The following TMC8 variants were observed in gnomAD, a reference collection of about 807,000 sequenced individuals.
TMC8 encodes transmembrane channel like 8.
In TMC8, 71 loss-of-function variants were observed where a neutral mutation model predicts 76.0. The ratio of observed to expected loss-of-function variants is 0.93; its 90% confidence interval spans 0.77 to 1.14. The LOEUF is 1.14. Ranked by LOEUF, TMC8 falls within the 50% of genes most tolerant of loss-of-function variation. TMC8 has a pLI of 0.00. For missense variants in TMC8, 924 were observed against 947.9 expected (o/e 0.97, Z 0.33); for synonymous variants, 433 against 433.8 (o/e 1.00, Z 0.02).
Position 78,141,661 on chromosome 17 carries a change from T to C in TMC8, c.*549T>C, listed in dbSNP as rs901174304. The C allele has an allele frequency of 6.6e-6, 1 of 152,274 alleles. No individual in the cohort carries two copies. Among genetic ancestry groups the C allele is most frequent in the Non-Finnish European group, 1.5e-5 (1 of 68,060 alleles). 9.4% of individuals were successfully genotyped at this position (152,274 alleles called of 1,614,324 possible). Reference sequence around the variant, plus strand: ...CCACAGCGTCAGCCAGGGCCAGAGCTGGGATTTGAACCCAGGCACTCGGGC... The same window carrying C: ...CCACAGCGTCAGCCAGGGCCAGAGCCGGGATTTGAACCCAGGCACTCGGGC... On this transcript the variant is annotated 3_prime_UTR_variant, in exon 16 of 16. Transcript: ENST00000318430.
Position 78,134,183 on chromosome 17 carries a change from G to A in TMC8, c.816+183G>A, listed in dbSNP as rs77048878. 0.063 allele frequency among the ~76,000 whole-genome samples: 9,602 copies of A among 152,298 alleles called. 366 individuals are homozygous for A. The highest frequency in any genetic ancestry group is 0.1 in the African/African-American group (4,240 of 41,576). On this transcript the variant is annotated intron_variant, in intron 7 of 15. Transcript: ENST00000318430. ...TGTGAATGTGTGTGCATGTGTGGCC[G>A]AGTGTGAGGGCACATGTGACTGAAT...
intron 3 of TMC8, 42 bp downstream of exon 3, chr17:78,132,072 A>G: frequency 6.5e-7 from 1 of 1,534,606 alleles, no homozygotes; most frequent in Non-Finnish European, 8.7e-7. Flanking sequence ...CCCTCTCTGG[A>G]GCCCCACTGC....
intron 14 of TMC8, 125 bp downstream of exon 14, chr17:78,138,857 G>A: frequency 6.5e-7 from 1 of 1,547,018 alleles, no homozygotes; most frequent in Non-Finnish European, 8.7e-7. Flanking sequence ...GGAAGCAGGG[G>A]CCTCTGAAAA....
At chr17:78,134,087 G>A (rs528423912) in intron 7 of TMC8, 87 bp downstream of exon 7, 13 of 1,583,194 alleles carry the variant, frequency 8.2e-6, no homozygotes, top group Middle Eastern at 1.7e-4. Flanking sequence ...AGGTGTGTGC[G>A]AGCAAGTGCG....
rs2075257416 is a variant in TMC8, at chr17:78,137,277, C to T, written c.1170C>T (p.Val390=). 3.7e-6 allele frequency: 6 copies of T among 1,614,010 alleles called. No individual in the cohort carries two copies. The African/African-American group carries it at 4.0e-5, about 11-fold the overall frequency. Reference sequence around the variant, plus strand: ...TGGCCAGCTTGGGGATGTTCTCCGTCTCCCTGGGTCAGACCATACTGTGCA... The same window carrying T: ...TGGCCAGCTTGGGGATGTTCTCCGTTTCCCTGGGTCAGACCATACTGTGCA... ...LKLASLGMFS[V]SLGQTILCIG... is the part of the protein sequence containing the mutation. The change falls in exon 10 of 16, where the codon GTC becomes GTT. Residue 390 remains valine, a synonymous_variant. Coordinates refer to ENST00000318430, the MANE Select transcript of TMC8 (RefSeq NM_152468.5).
chr17:78,134,525 C>T lies in TMC8; in HGVS notation c.948C>T (p.Ala316=), dbSNP rs761172892. The stretch of plus-strand genomic sequence containing the variant: ...TCCTGGTGGTTGGGGCCATCAGCGC[C>T]ATCTTCTGGGCTACCAAGTACTCAC... ...NGLLVVGAIS[A]IFWATKYSQD... The change falls in exon 8 of 16, where the codon GCC becomes GCT. Residue 316 remains alanine (A), a synonymous_variant. Coordinates refer to ENST00000318430, the MANE Select transcript of TMC8 (RefSeq NM_152468.5). 6.2e-6 allele frequency: 10 copies of T among 1,614,144 alleles called. No homozygotes were observed. The highest frequency in any genetic ancestry group is 8.5e-6 in the Non-Finnish European group (10 of 1,180,042).
At chr17:78,134,115 G>T in intron 7 of TMC8, 115 bp downstream of exon 7, 1 of 1,484,516 alleles carries the variant, frequency 6.7e-7, no homozygotes, top group Non-Finnish European at 9.4e-7. Flanking sequence ...CAGTGTGTGT[G>T]AGCGTGTGTG....
intron 3 of TMC8, 34 bp downstream of exon 3, chr17:78,132,064 C>T: frequency 6.5e-7 from 1 of 1,534,788 alleles, no homozygotes; most frequent in Non-Finnish European, 8.7e-7. Context: ...TCCCCTTGCC[C>T]TCTCTGGAGC....
At position 78,141,315 on chromosome 17, in the gene TMC8, A is replaced by T. The variant is rs560362798; in HGVS notation, c.*203A>T. On this transcript the variant is annotated 3_prime_UTR_variant, in exon 16 of 16. Transcript: ENST00000318430. Reference sequence around the variant, plus strand: ...TATATTTTAATCTCATCCCTTTAAAATGTCTATTTTTTATTGTGTTTTTTA... The same window carrying T: ...TATATTTTAATCTCATCCCTTTAAATTGTCTATTTTTTATTGTGTTTTTTA... 76 of 400,260 alleles carry T rather than the reference A, an allele frequency of 1.9e-4. No homozygotes were observed. The highest frequency in any genetic ancestry group is 3.0e-4 in the Non-Finnish European group (68 of 227,150). 24.8% of individuals were successfully genotyped at this position (400,260 alleles called of 1,614,324 possible). A position where few individuals can be genotyped will look rare whatever the true frequency, so the allele number is the denominator to read the frequency against.
chr17:78,139,770 G>A (rs976327860), intron 15 of TMC8, among the ~76,000 whole-genome samples: 1 of 143,220 alleles, frequency 7.0e-6, no homozygotes, highest in Admixed American at 7.1e-5. Context: ...ACGGTGGTTC[G>A]TGCCTGTAAT....
chr17:78,136,062 A>G (rs939551925), intron 9 of TMC8, among the ~76,000 whole-genome samples: 4 of 152,084 alleles, frequency 2.6e-5, no homozygotes, highest in Middle Eastern at 3.2e-3. Context: ...TCAAAAAAGA[A>G]AACAAAACAA....
At chr17:78,137,582 C>A (rs1485953823) in intron 10 of TMC8, 135 bp from the exon 11 acceptor site, 7 of 1,115,310 alleles carry the variant, frequency 6.3e-6, no homozygotes, top group African/African-American at 3.1e-5. Flanking sequence ...ATCCTCAAGG[C>A]CTGGGTTTCA....
At chr17:78,133,686 G>A (rs2075114079) in intron 6 of TMC8, 144 bp downstream of exon 6, 4 of 1,539,886 alleles carry the variant, frequency 2.6e-6, no homozygotes, top group African/African-American at 1.4e-5. Context: ...CCAGGCTCTG[G>A]CCGCAAACCT....
rs774060628 is a variant in TMC8 at position 78,138,342 on chromosome 17, C to T, written c.1534-7C>T. 1 of 1,610,578 alleles carries T rather than the reference C, an allele frequency of 6.2e-7. No homozygotes were observed. ...TGACTCCTGGTTGCTATTGCTTGCG[C>T]CCCCAGTACACCCTCCTGAAGAACT... is the stretch of plus-strand genomic sequence containing the variant. On this transcript the variant is annotated splice_region_variant and splice_polypyrimidine_tract_variant and intron_variant, in intron 12 of 15. Coordinates refer to ENST00000318430, the MANE Select transcript of TMC8 (RefSeq NM_152468.5).
At position 78,134,933 on chromosome 17, in the gene TMC8, G is replaced by A. The variant is rs1225450626; in HGVS notation, c.1051G>A (p.Gly351Ser). 6.2e-7 allele frequency: 1 copy of A among 1,614,078 alleles called. No individual in the cohort carries two copies. Residue 351 changes from glycine to serine, a missense_variant, in exon 9 of 16, where the codon GGT (glycine) becomes AGT (serine). Transcript: ENST00000318430. ...GGTCATCGCCCTGGTCAACTTCCTG[G>A]GTCCCCTGCTGTTCACATTTCTGGT... The part of the protein sequence containing the change: ...PGVIALVNFL[G>S]PLLFTFLVQL...
rs770770209 is a variant in TMC8 at position 78,138,715 on chromosome 17, C to G, written c.1806C>G (p.Pro602=). ...HYLGSHAFSF[P]LLIMLSLVLT... ...TGGGCTCCCACGCCTTCAGCTTCCC[C>G]CTCCTCATCATGCTCAGGTTCTCAG... Residue 602 remains proline (P), a synonymous_variant, in exon 14 of 16, where the codon CCC becomes CCG. Transcript: ENST00000318430. 2.5e-6 allele frequency: 4 copies of G among 1,609,750 alleles called. No individual in the cohort carries two copies. Among genetic ancestry groups the G allele is most frequent in the Admixed American group, 3.3e-5 (2 of 60,018 alleles).
intron 9 of TMC8, among the ~76,000 whole-genome samples, chr17:78,135,922 T>C (rs571249072): frequency 1.3e-5 from 2 of 152,090 alleles, no homozygotes; most frequent in Admixed American, 6.5e-5. Flanking sequence ...GGTGTGGTGG[T>C]GCACACCTGT....
chr17:78,140,292 C>A (rs1179813483), intron 15 of TMC8, among the ~76,000 whole-genome samples: 1 of 151,724 alleles, frequency 6.6e-6, no homozygotes, highest in East Asian at 1.9e-4. Context: ...CTACTGCAAT[C>A]CTGCCTGGGC....
Position 78,132,856 on chromosome 17 carries a change from GT to G in TMC8, c.521del (p.Leu174Ter), listed in dbSNP as rs1568015346. 2.5e-6 allele frequency: 4 copies of G among 1,614,246 alleles called. No homozygotes were observed. In the East Asian group the frequency reaches 6.7e-5, roughly 27 times the overall value. ...GAGGTTCCACAATCAACTTTGGCAT[GT>G]TTTGACTGGCAGGGTGAGTGAGGTC... is the stretch of plus-strand genomic sequence containing the variant. ...VLRFHNQLWHVLTGRAFTNTY... is the reference protein window; with the variant it reads ...VLRFHNQLWHXLTGRAFTNTY... On this transcript the variant is annotated frameshift_variant, in exon 5 of 16. Coordinates refer to ENST00000318430, the MANE Select transcript of TMC8 (RefSeq NM_152468.5). LOFTEE classifies it high-confidence loss of function.
Sources: allele counts gnomAD v4.1 joint callset (sites outside exome capture counted in the v4.1 genomes callset), GRCh38; gene constraint gnomAD v4.1.1; transcripts MANE v1.5; gene names NCBI Gene and HGNC (gene_info 2026-07-23, HGNC 2026-07-21).